The following EML4 variants were observed in gnomAD, a reference collection of about 807,000 sequenced individuals.
EML4 encodes EMAP like 4.
A neutral mutation model predicts 129.0 loss-of-function variants in EML4; 72 were observed. The observed-to-expected ratio is 0.56, with a 90% CI of 0.46 to 0.68. The LOEUF is 0.68. Among genes scored for constraint, EML4 ranks in the 30% least tolerant of loss-of-function variants. EML4 has a pLI of 0.00. For missense variants in EML4, 1,363 were observed against 1,190.6 expected (o/e 1.14, Z -2.13); for synonymous variants, 532 against 405.0 (o/e 1.31, Z -3.77).
At chr2:42,192,178 A>G (rs552100702) in intron 1 of EML4, among the ~76,000 whole-genome samples, 1 of 146,900 alleles carries the variant, frequency 6.8e-6, no homozygotes, top group Non-Finnish European at 1.5e-5. Flanking sequence ...TCTGGGTCTT[A>G]TACCTCAGTG....
chr2:42,252,410 G>C (rs150147590), intron 2 of EML4, among the ~76,000 whole-genome samples: 23 of 152,140 alleles, frequency 1.5e-4, no homozygotes, highest in African/African-American at 5.1e-4. Flanking sequence ...CATAGCTCTT[G>C]GTCCCCACCA....
At chr2:42,267,809 C>T (rs1025972061) in intron 6 of EML4, among the ~76,000 whole-genome samples, 1 of 152,112 alleles carries the variant, frequency 6.6e-6, no homozygotes, top group Non-Finnish European at 1.5e-5. Context: ...TTTTTCATTA[C>T]TCTCTCCCCT....
intron 17 of EML4, among the ~76,000 whole-genome samples, chr2:42,315,217 A>C (rs1030832080): frequency 2.0e-5 from 3 of 152,068 alleles, no homozygotes; most frequent in African/African-American, 7.2e-5. Context: ...CATCTTCCCT[A>C]AGGATGTTTT....
chr2:42,259,755 C>A (rs7566352), intron 3 of EML4, among the ~76,000 whole-genome samples: 37,200 of 121,606 alleles, frequency 0.31, 5,818 homozygotes, highest in East Asian at 0.59. Context: ...TTTGAGACGG[C>A]GTCTCGCTCT....
At chr2:42,251,698 G>A (rs1051168902) in intron 2 of EML4, among the ~76,000 whole-genome samples, 1 of 152,180 alleles carries the variant, frequency 6.6e-6, no homozygotes, top group Non-Finnish European at 1.5e-5. Context: ...GAGCCATGAG[G>A]CATGTGATGG....
chr2:42,318,374 T>A (rs1337923127), intron 19 of EML4, among the ~76,000 whole-genome samples: 1 of 152,230 alleles, frequency 6.6e-6, no homozygotes, highest in African/African-American at 2.4e-5. Flanking sequence ...TTATTTTGCT[T>A]ATTATATTTA....
intron 6 of EML4, 123 bp downstream of exon 6, chr2:42,264,854 A>G (rs1665961806): frequency 2.7e-6 from 4 of 1,486,974 alleles, no homozygotes; most frequent in African/African-American, 1.4e-5. Flanking sequence ...AAAGTGCGTT[A>G]CTGTAGTCAT....
intron 6 of EML4, among the ~76,000 whole-genome samples, chr2:42,276,022 G>A (rs1187118619): frequency 6.6e-6 from 1 of 152,178 alleles, no homozygotes; most frequent in East Asian, 1.9e-4. Flanking sequence ...TAAGTTTTAT[G>A]ATTGTAAGAT....
chr2:42,208,179 C>T (rs1285023281), intron 1 of EML4: 1 of 152,072 alleles, frequency 6.6e-6, no homozygotes, highest in African/African-American at 2.4e-5. Flanking sequence ...CTTATGTCTT[C>T]TGAATAAAGG....
At chr2:42,249,023 A>T (rs1302799908) in intron 2 of EML4, among the ~76,000 whole-genome samples, 1 of 152,190 alleles carries the variant, frequency 6.6e-6, no homozygotes, top group Non-Finnish European at 1.5e-5. Context: ...GAGTTTATTT[A>T]TAGCATATCG....
chr2:42,268,298 G>A (rs1666179510), intron 6 of EML4, among the ~76,000 whole-genome samples: 1 of 152,110 alleles, frequency 6.6e-6, no homozygotes, highest in African/African-American at 2.4e-5. Flanking sequence ...AAGTATACAG[G>A]AAGATAGTCA....
intron 2 of EML4, among the ~76,000 whole-genome samples, chr2:42,248,775 T>G (rs1003549321): frequency 2.0e-5 from 3 of 152,062 alleles, no homozygotes; most frequent in African/African-American, 7.2e-5. Context: ...TTTGAGTTAC[T>G]CTGTTACCTG....
chr2:42,187,248 C>T (rs1022955332), intron 1 of EML4, among the ~76,000 whole-genome samples: 2 of 151,652 alleles, frequency 1.3e-5, no homozygotes, highest in African/African-American at 2.4e-5. Flanking sequence ...GGGGTTTTGC[C>T]ATGTTGCCCA....
rs1041903735 is a variant in EML4 at position 42,288,083 on chromosome 2, G to T, written c.1123-144G>T. 5 of 417,474 alleles carry T rather than the reference G, an allele frequency of 1.2e-5. No homozygotes were observed. In the Admixed American group the frequency reaches 1.3e-4, roughly 11 times the overall value. The allele number at this position is 417,474 out of a possible 1,614,324, so 25.9% of individuals were successfully genotyped here. ...GGAAAATACAATTGTAGTAAATAGT[G>T]TATTCATTATGTTTCAGAGAGCGAT... On this transcript the variant is annotated intron_variant, in intron 10 of 22. Transcript: ENST00000318522.
intron 1 of EML4, among the ~76,000 whole-genome samples, chr2:42,188,765 A>G (rs538861372): frequency 5.9e-5 from 9 of 152,202 alleles, no homozygotes; most frequent in Admixed American, 5.9e-4. Context: ...ACCTCAGGTG[A>G]TCTGCCCACC....
intron 2 of EML4, among the ~76,000 whole-genome samples, chr2:42,254,403 A>G (rs1416196075): frequency 2.0e-5 from 3 of 151,372 alleles, no homozygotes; most frequent in African/African-American, 7.3e-5. Context: ...GGCAGCAGTG[A>G]GCCATGATTG....
intron 1 of EML4, among the ~76,000 whole-genome samples, chr2:42,223,021 G>C (rs973709877): frequency 1.3e-5 from 2 of 151,946 alleles, no homozygotes; most frequent in Non-Finnish European, 2.9e-5. Context: ...GGATGGTCTC[G>C]ATCTCCTGAC....
intron 1 of EML4, among the ~76,000 whole-genome samples, chr2:42,244,461 AG>A (rs1428534054): frequency 1.3e-5 from 2 of 152,196 alleles, no homozygotes; most frequent in Non-Finnish European, 2.9e-5. Flanking sequence ...TATAGTCTAA[AG>A]TTACATAACT....
At chr2:42,181,510 G>C (rs1670940507) in intron 1 of EML4, among the ~76,000 whole-genome samples, 2 of 152,086 alleles carry the variant, frequency 1.3e-5, no homozygotes, top group South Asian at 4.1e-4. Context: ...ATGTTGGCCT[G>C]GCTGGTCTCA....
Sources: allele counts gnomAD v4.1 joint callset (sites outside exome capture counted in the v4.1 genomes callset), GRCh38; gene constraint gnomAD v4.1.1; transcripts MANE v1.5; gene names NCBI Gene and HGNC (gene_info 2026-07-23, HGNC 2026-07-21).